Variants in ZBTB24 observed in about 807,000 individuals in gnomAD.
ZBTB24 encodes zinc finger and BTB domain-containing protein 24.
ZBTB24 carries 32 observed loss-of-function variants against 53.8 expected under a neutral mutation model. The ratio of observed to expected loss-of-function variants is 0.60; its 90% CI spans 0.45 to 0.80. The LOEUF (loss-of-function observed/expected upper bound fraction) is 0.80, where lower values mean the gene tolerates loss of function less well. Among genes scored for constraint, ZBTB24 ranks in the 30% least tolerant of loss-of-function variants. The pLI, the probability that ZBTB24 is intolerant of heterozygous loss-of-function variation, is 0.00. For synonymous variants in ZBTB24, 297 were observed against 306.7 expected (o/e 0.97, Z 0.33); for missense variants, 722 against 837.1 (o/e 0.86, Z 1.70).
In ZBTB24 at chr6:109,481,378, CCTTTT is replaced by C; in HGVS notation, c.644_648del (p.Glu215GlyfsTer8). Reference sequence around the variant, plus strand: ...GGCTCACAAGTAGGCTCCGATTCTTCCTTTTCTTTTGCTGCAATTTGCTCATTCAG... The same window carrying C: ...GGCTCACAAGTAGGCTCCGATTCTTCCTTTTGCTGCAATTTGCTCATTCAG... On this transcript the variant is annotated frameshift_variant, in exon 2 of 7. Coordinates refer to ENST00000230122, the MANE Select transcript of ZBTB24 (RefSeq NM_014797.3). LOFTEE classifies it high-confidence loss of function. 1 of 1,614,196 alleles carries C rather than the reference CCTTTT, an allele frequency of 6.2e-7. No individual in the cohort carries two copies. The highest frequency in any genetic ancestry group is 8.5e-7 in the Non-Finnish European group (1 of 1,180,032).
intron 3 of ZBTB24, among the ~76,000 whole-genome samples, chr6:109,476,480 A>C (rs1198258830): frequency 6.6e-6 from 1 of 152,238 alleles, no homozygotes; most frequent in Non-Finnish European, 1.5e-5. Flanking sequence ...GAACTGGAGA[A>C]TTTAAGTTTC....
chr6:109,480,213 C>A (rs1029989695), intron 2 of ZBTB24, among the ~76,000 whole-genome samples: 3 of 152,050 alleles, frequency 2.0e-5, no homozygotes, highest in East Asian at 1.9e-4. Flanking sequence ...AAGCCCCAGT[C>A]CCTATACTTA....
In ZBTB24 at chr6:109,464,083, T is replaced by C. The variant is rs1445350791; in HGVS notation, c.*1768A>G. On this transcript the variant is annotated 3_prime_UTR_variant, in exon 7 of 7. Coordinates refer to ENST00000230122, the MANE Select transcript of ZBTB24 (RefSeq NM_014797.3). Reference sequence around the variant, plus strand: ...GGCTTTGAAAAGTTGGTAAAAACTTTGTGTTTTAAGAATAAAATTAAACAG... The same window carrying C: ...GGCTTTGAAAAGTTGGTAAAAACTTCGTGTTTTAAGAATAAAATTAAACAG... The C allele has an allele frequency of 6.6e-6, 1 of 152,200 alleles. No homozygotes were observed. Among genetic ancestry groups the C allele is most frequent in the African/African-American group, 2.4e-5 (1 of 41,454 alleles). 9.4% of individuals were successfully genotyped at this position (152,200 alleles called of 1,614,324 possible). A position where few individuals can be genotyped will look rare whatever the true frequency, so the allele number is the denominator to read the frequency against.
At chr6:109,477,790 C>A (rs1466583498) in intron 2 of ZBTB24, among the ~76,000 whole-genome samples, 2 of 152,206 alleles carry the variant, frequency 1.3e-5, no homozygotes, top group Non-Finnish European at 2.9e-5. Flanking sequence ...TAGACACAGG[C>A]CAGCAGCCAG....
chr6:109,466,828 G>C (rs1776054872), intron 6 of ZBTB24, among the ~76,000 whole-genome samples: 1 of 152,104 alleles, frequency 6.6e-6, no homozygotes, highest in Non-Finnish European at 1.5e-5. Context: ...AAAATTTTAT[G>C]ATTCCACAGT....
At chr6:109,467,380 C>A (rs1292805761) in intron 6 of ZBTB24, among the ~76,000 whole-genome samples, 1 of 152,132 alleles carries the variant, frequency 6.6e-6, no homozygotes, top group African/African-American at 2.4e-5. Context: ...CAAAAACTAG[C>A]TGGGTGTGGT....
In ZBTB24 at chr6:109,481,408, G is replaced by C. The variant is rs138617922; in HGVS notation, c.619C>G (p.Leu207Val). 1 of 1,614,128 alleles carries C rather than the reference G, an allele frequency of 6.2e-7. No homozygotes were observed. The highest frequency in any genetic ancestry group is 8.5e-7 in the Non-Finnish European group (1 of 1,180,020). The change falls in exon 2 of 7, where the codon CTG becomes GTG. Residue 207 changes from leucine to valine, a missense_variant. Transcript: ENST00000230122. ...NFVVKGDSGV[L>V]NEQIAAKEKE... ...TCTTTTGCTGCAATTTGCTCATTCA[G>C]TACACCACTGTCTCCTTTAACCACA...
intron 6 of ZBTB24, among the ~76,000 whole-genome samples, chr6:109,466,795 G>T (rs1336836543): frequency 6.6e-6 from 1 of 152,162 alleles, no homozygotes; most frequent in Non-Finnish European, 1.5e-5. Context: ...AAGGGTGGCA[G>T]ATGGGGCACG....
intron 5 of ZBTB24, among the ~76,000 whole-genome samples, chr6:109,474,161 T>C (rs960178852): frequency 6.6e-6 from 1 of 151,950 alleles, no homozygotes; most frequent in African/African-American, 2.4e-5. Context: ...ACAACAGAAT[T>C]ATTAAATAAC....
In ZBTB24 at chr6:109,466,231, C is replaced by T. The variant is rs1384829353; in HGVS notation, c.1714G>A (p.Gly572Arg). Residue 572 changes from glycine to arginine, a missense_variant, in exon 7 of 7, where the codon GGA (glycine) becomes AGA (arginine). By Grantham distance (125) the Gly-to-Arg change is moderately radical. Transcript: ENST00000230122. ...NINFMPGPSQGISIVTAESSQ... is the reference protein window; with the variant it reads ...NINFMPGPSQRISIVTAESSQ... ...CTCTCTGCAGTCACAATGCTGATTCCCTGGCTAGGACCGGGCATGAAATTG... is the reference window on the plus strand; with the variant it reads ...CTCTCTGCAGTCACAATGCTGATTCTCTGGCTAGGACCGGGCATGAAATTG... 6.2e-7 allele frequency: 1 copy of T among 1,614,082 alleles called. No homozygotes were observed. Among genetic ancestry groups the T allele is most frequent in the African/African-American group, 1.3e-5 (1 of 74,902 alleles).
At position 109,465,793 on chromosome 6, in the gene ZBTB24, T is replaced by G; in HGVS notation, c.*58A>C. The G allele has an allele frequency of 6.2e-7, 1 of 1,614,068 alleles. No homozygotes were observed. The highest frequency in any genetic ancestry group is 2.2e-5 in the East Asian group (1 of 44,866). ...AGAGCCTGATTTCAAGCGTTCAAAA[T>G]CCAGTCAGAGCTGGCTTATAAGAAG... On this transcript the variant is annotated 3_prime_UTR_variant, in exon 7 of 7. Transcript: ENST00000230122.
intron 1 of ZBTB24, among the ~76,000 whole-genome samples, chr6:109,482,581 C>G (rs1333508004): frequency 2.0e-5 from 3 of 151,936 alleles, no homozygotes. Context: ...CAACCTCCGC[C>G]TCCCAGGTTC....
At chr6:109,472,800 T>C (rs1054806914) in intron 5 of ZBTB24, among the ~76,000 whole-genome samples, 1 of 152,176 alleles carries the variant, frequency 6.6e-6, no homozygotes, top group African/African-American at 2.4e-5. Flanking sequence ...TTCCCTAGCT[T>C]TTCCTCCTCA....
intron 4 of ZBTB24, 48 bp from the exon 5 acceptor site, chr6:109,475,530 C>A (rs770103641): frequency 2.5e-6 from 4 of 1,598,252 alleles, no homozygotes; most frequent in Admixed American, 1.7e-5. Flanking sequence ...GCTCTCCCTG[C>A]CTTTTCTTCA....
In ZBTB24 at chr6:109,465,819, A is replaced by T; in HGVS notation, c.*32T>A. The T allele has an allele frequency of 6.2e-7, 1 of 1,614,150 alleles. No homozygotes were observed. The highest frequency in any genetic ancestry group is 8.5e-7 in the Non-Finnish European group (1 of 1,180,034). On this transcript the variant is annotated 3_prime_UTR_variant, in exon 7 of 7. Coordinates refer to ENST00000230122, the MANE Select transcript of ZBTB24 (RefSeq NM_014797.3). ...CCAGTCAGAGCTGGCTTATAAGAAG[A>T]GCCCAATCAAGCAGTCAAACGTGTT...
chr6:109,469,850 G>C (rs774847827), intron 5 of ZBTB24, among the ~76,000 whole-genome samples: 2 of 152,170 alleles, frequency 1.3e-5, no homozygotes, highest in Non-Finnish European at 2.9e-5. Context: ...TAAATAGTAT[G>C]AGCAGAAGCT....
chr6:109,476,639 T>C lies in ZBTB24; in HGVS notation c.1120+124A>G. ...CTGCACTCAGACAGATGCAAAATCC[T>C]GTCTTTCAATGACACCACGTTGGAA... is the stretch of plus-strand genomic sequence containing the variant. On this transcript the variant is annotated intron_variant, in intron 3 of 6. Transcript: ENST00000230122. 6 of 1,356,320 alleles carry C rather than the reference T, an allele frequency of 4.4e-6. No homozygotes were observed. In the East Asian group the frequency reaches 1.5e-4, roughly 34 times the overall value. The allele number at this position is 1,356,320 out of a possible 1,614,324, so 84.0% of individuals were successfully genotyped here.
intron 2 of ZBTB24, among the ~76,000 whole-genome samples, chr6:109,479,299 C>T (rs1776346266): frequency 6.6e-6 from 1 of 152,152 alleles, no homozygotes; most frequent in South Asian, 2.1e-4. Context: ...CTGAAAATAT[C>T]ATAAGGAAAA....
At position 109,466,454 on chromosome 6, in the gene ZBTB24, T is replaced by C; in HGVS notation, c.1491A>G (p.Leu497=). Reference sequence around the variant, plus strand: ...TCAAGTTGTCTAAGCGAGCAAACTGTAAGTTACACTCAGGGCAGGAGAAAG... The same window carrying C: ...TCAAGTTGTCTAAGCGAGCAAACTGCAAGTTACACTCAGGGCAGGAGAAAG... ...KKPFSCPECN[L]QFARLDNLKA... The change falls in exon 7 of 7, where the codon TTA becomes TTG. Residue 497 remains leucine (L), a synonymous_variant. Coordinates refer to ENST00000230122, the MANE Select transcript of ZBTB24 (RefSeq NM_014797.3). 2 of 1,614,194 alleles carry C rather than the reference T, an allele frequency of 1.2e-6. No individual in the cohort carries two copies. Among genetic ancestry groups the C allele is most frequent in the Non-Finnish European group, 1.7e-6 (2 of 1,180,030 alleles).
Sources: allele counts gnomAD v4.1 joint callset (sites outside exome capture counted in the v4.1 genomes callset), GRCh38; gene constraint gnomAD v4.1.1; transcripts MANE v1.5; gene names NCBI Gene and HGNC (gene_info 2026-07-23, HGNC 2026-07-21).